Variants in DCDC2 observed in about 807,000 individuals in gnomAD.
DCDC2 encodes doublecortin domain-containing protein 2.
A neutral mutation model predicts 50.2 loss-of-function variants in DCDC2; 40 were observed. That is an observed-to-expected ratio of 0.80 (90% CI 0.62 to 1.04). The LOEUF (loss-of-function observed/expected upper bound fraction) is 1.04, where lower values mean the gene tolerates loss of function less well. Ranked by LOEUF, DCDC2 falls within the 50% of genes least tolerant of loss-of-function variation. The pLI, the probability that DCDC2 is intolerant of heterozygous loss-of-function variation, is 0.00. For missense variants in DCDC2, 570 were observed against 581.9 expected, an observed-to-expected ratio of 0.98 and a Z score of 0.21; for synonymous variants, 234 against 210.6, an observed-to-expected ratio of 1.11 and a Z score of -0.96.
chr6:24,369,245 AAATAT>A, the DCDC2 span, among the ~76,000 whole-genome samples: 10 of 152,236 alleles, frequency 6.6e-5, no homozygotes, highest in East Asian at 1.9e-3. Flanking sequence ...GGAGTAAGAT[AAATAT>A]AATAACTTGT....
At chr6:24,295,028 C>T (rs1091047) in intron 4 of DCDC2, among the ~76,000 whole-genome samples, 2 of 151,726 alleles carry the variant, frequency 1.3e-5, no homozygotes, top group Admixed American at 1.3e-4. Context: ...GAAAGCTTCA[C>T]GCCAAGTTTG....
At chr6:24,263,832 CAG>C (rs1289847318) in intron 7 of DCDC2, among the ~76,000 whole-genome samples, 3 of 152,062 alleles carry the variant, frequency 2.0e-5, no homozygotes, top group Admixed American at 6.5e-5. Flanking sequence ...AGACTAATAA[CAG>C]AGAAATTCCC....
chr6:24,361,431 T>TAA (rs1159021439), upstream of DCDC2, among the ~76,000 whole-genome samples: 5 of 140,948 alleles, frequency 3.5e-5, no homozygotes, highest in African/African-American at 1.3e-4. Flanking sequence ...AAATGAAAGT[T>TAA]AAAAAAAAAA....
chr6:24,306,494 T>TTAGATAGA (rs28987368), intron 2 of DCDC2, among the ~76,000 whole-genome samples: 1,393 of 129,426 alleles, frequency 0.011, 14 homozygotes, highest in East Asian at 0.028. Context: ...TGAGTGGAGA[T>TTAGATAGA]TAGATAGATA....
intron 7 of DCDC2, among the ~76,000 whole-genome samples, chr6:24,273,335 C>T (rs545085337): frequency 1.4e-4 from 22 of 152,270 alleles, no homozygotes; most frequent in South Asian, 1.0e-3. Context: ...GGACAATTTA[C>T]ATTATTCAAG....
upstream of DCDC2, among the ~76,000 whole-genome samples, chr6:24,358,914 A>ATATATTATATATTT (rs1461313525): frequency 2.8e-5 from 1 of 35,978 alleles, no homozygotes; most frequent in Non-Finnish European, 4.5e-5. Flanking sequence ...ATTATATATT[A>ATATATTATATATTT]TATATATTAT....
chr6:24,187,567 C>G (rs980286747), intron 8 of DCDC2, among the ~76,000 whole-genome samples: 1 of 152,186 alleles, frequency 6.6e-6, no homozygotes, highest in Admixed American at 6.5e-5. Flanking sequence ...TAGATACCCC[C>G]AAAATATTTG....
intron 1 of DCDC2, among the ~76,000 whole-genome samples, chr6:24,355,316 AAAG>A (rs1561786270): frequency 6.6e-6 from 1 of 152,162 alleles, no homozygotes; most frequent in African/African-American, 2.4e-5. Flanking sequence ...CAAATAAACA[AAAG>A]AACATGAACT....
chr6:24,329,699 C>A (rs928393318), intron 2 of DCDC2, among the ~76,000 whole-genome samples: 1 of 152,182 alleles, frequency 6.6e-6, no homozygotes, highest in East Asian at 1.9e-4. Flanking sequence ...ACATTCAATA[C>A]AAATAATTCA....
At chr6:24,374,029 G>T in the DCDC2 span, among the ~76,000 whole-genome samples, 1 of 152,028 alleles carries the variant, frequency 6.6e-6, no homozygotes. Flanking sequence ...GGGCGTGGTG[G>T]CGGGCGCCTG....
At chr6:24,377,010 A>C in the DCDC2 span, among the ~76,000 whole-genome samples, 1 of 152,132 alleles carries the variant, frequency 6.6e-6, no homozygotes, top group Non-Finnish European at 1.5e-5. Flanking sequence ...GAGATTCACC[A>C]ATGCCCCAGG....
At chr6:24,210,022 GTGTGTGTGTGTGTGT>G (rs1561891545) in intron 7 of DCDC2, among the ~76,000 whole-genome samples, 1 of 22,144 alleles carries the variant, frequency 4.5e-5, no homozygotes, top group Non-Finnish European at 1.9e-4. Context: ...GTATCAGGGT[GTGTGTGTGTGTGTGT>G]GTGTGTGTGT....
At chr6:24,209,519 C>T in intron 7 of DCDC2, among the ~76,000 whole-genome samples, 1 of 152,180 alleles carries the variant, frequency 6.6e-6, no homozygotes, top group East Asian at 1.9e-4. Context: ...TTACTACATA[C>T]TAATGTCAAC....
intron 4 of DCDC2, among the ~76,000 whole-genome samples, chr6:24,294,285 G>T (rs1763814517): frequency 1.3e-5 from 2 of 152,174 alleles, no homozygotes; most frequent in Admixed American, 1.3e-4. Flanking sequence ...AGCCCAGGAG[G>T]TTGAGGCTGC....
intron 2 of DCDC2, among the ~76,000 whole-genome samples, chr6:24,346,171 T>C (rs1405970433): frequency 7.4e-6 from 1 of 135,422 alleles, no homozygotes; most frequent in Non-Finnish European, 1.6e-5. Flanking sequence ...AAAAAAAAAA[T>C]GTATTTACTG....
chr6:24,211,487 G>A lies in DCDC2; in HGVS notation c.923-6385C>T, dbSNP rs1256279245. 1.4e-4 allele frequency among the ~76,000 whole-genome samples: 21 copies of A among 152,104 alleles called. 1 individual carries two copies. Among genetic ancestry groups the A allele is most frequent in the Admixed American group, 1.1e-3 (17 of 15,278 alleles). On this transcript the variant is annotated intron_variant, in intron 7 of 9. Coordinates refer to ENST00000378454, the MANE Select transcript of DCDC2 (RefSeq NM_016356.5). ...ACATGACATGGCAAAGAGGAATTAC[G>A]GTTGCAGATGGAATTAAGGTTGCTA...
chr6:24,327,999 G>A (rs982589456), intron 2 of DCDC2, among the ~76,000 whole-genome samples: 3 of 152,146 alleles, frequency 2.0e-5, no homozygotes, highest in African/African-American at 7.2e-5. Context: ...TGAGATTCAC[G>A]CTATTCCATT....
intron 7 of DCDC2, among the ~76,000 whole-genome samples, chr6:24,233,468 C>T (rs990131437): frequency 1.6e-4 from 25 of 152,092 alleles, no homozygotes; most frequent in Non-Finnish European, 3.2e-4. Context: ...TCGTCATCCC[C>T]CAATGAGATT....
intron 2 of DCDC2, among the ~76,000 whole-genome samples, chr6:24,333,463 A>G (rs533666134): frequency 7.9e-5 from 12 of 152,238 alleles, no homozygotes; most frequent in Non-Finnish European, 1.5e-4. Context: ...ACACACACAC[A>G]CGCAACCAAA....
Sources: allele counts gnomAD v4.1 joint callset (sites outside exome capture counted in the v4.1 genomes callset), GRCh38; gene constraint gnomAD v4.1.1; transcripts MANE v1.5; gene names NCBI Gene and HGNC (gene_info 2026-07-23, HGNC 2026-07-21).